Variants in NAALADL2 observed in about 807,000 individuals in gnomAD.
NAALADL2 encodes the protein inactive N-acetylated-alpha-linked acidic dipeptidase-like protein 2.
In NAALADL2, 76 loss-of-function variants were observed where a neutral mutation model predicts 87.2. The ratio of observed to expected loss-of-function variants is 0.87; its 90% confidence interval spans 0.72 to 1.05. The LOEUF is 1.05. Among genes scored for constraint, NAALADL2 ranks in the 50% least tolerant of loss-of-function variants. The pLI is 0.00. For missense variants in NAALADL2, 1,089 were observed against 945.8 expected (o/e 1.15, Z -1.99); for synonymous variants, 354 against 331.0 (o/e 1.07, Z -0.75).
chr3:175,010,909 A>G (rs1409363396), intron 1 of NAALADL2, among the ~76,000 whole-genome samples: 3 of 152,124 alleles, frequency 2.0e-5, no homozygotes. Context: ...TATAATCTAC[A>G]TGATCAACAC....
chr3:175,806,535 A>G lies in NAALADL2; in HGVS notation c.*3332A>G, dbSNP rs1370422879. ...TTTCTAAATAAATTGAAGAGTCATA[A>G]TAACAAGAAAGACGTAAAGATTTGT... On this transcript the variant is annotated 3_prime_UTR_variant, in exon 14 of 14. Coordinates refer to ENST00000454872, the MANE Select transcript of NAALADL2 (RefSeq NM_207015.3). 6.6e-6 allele frequency: 1 copy of G among 151,892 alleles called. No individual in the cohort carries two copies. The highest frequency in any genetic ancestry group is 1.9e-4 in the East Asian group (1 of 5,180). 9.4% of individuals were successfully genotyped at this position (151,892 alleles called of 1,614,324 possible).
intron 5 of NAALADL2, among the ~76,000 whole-genome samples, chr3:175,382,146 A>T (rs1394819451): frequency 6.6e-6 from 1 of 152,198 alleles, no homozygotes; most frequent in Non-Finnish European, 1.5e-5. Flanking sequence ...GGATAAAAGC[A>T]TACTGTTTGG....
At chr3:175,206,962 G>A (rs1741029625) in intron 2 of NAALADL2, among the ~76,000 whole-genome samples, 1 of 152,110 alleles carries the variant, frequency 6.6e-6, no homozygotes, top group Non-Finnish European at 1.5e-5. Flanking sequence ...AGCAGTGCAT[G>A]CGAATATGTC....
intron 3 of NAALADL2, among the ~76,000 whole-genome samples, chr3:174,772,144 T>G (rs1333627321): frequency 6.6e-6 from 1 of 152,114 alleles, no homozygotes; most frequent in Non-Finnish European, 1.5e-5. Flanking sequence ...AATAAATCAG[T>G]GGGTTAATTC....
At chr3:175,793,109 A>G (rs755525025) in intron 13 of NAALADL2, among the ~76,000 whole-genome samples, 1 of 152,162 alleles carries the variant, frequency 6.6e-6, no homozygotes, top group African/African-American at 2.4e-5. Flanking sequence ...AATCAACATT[A>G]TGACAATTGA....
intron 9 of NAALADL2, among the ~76,000 whole-genome samples, chr3:175,529,570 A>G (rs1582268635): frequency 6.6e-6 from 1 of 152,156 alleles, no homozygotes; most frequent in Non-Finnish European, 1.5e-5. Flanking sequence ...GCCCTAGCCT[A>G]CAAAGTATAG....
At chr3:174,539,170 G>C (rs1437914872) in intron 1 of NAALADL2, among the ~76,000 whole-genome samples, 1 of 152,008 alleles carries the variant, frequency 6.6e-6, no homozygotes, top group Non-Finnish European at 1.5e-5. Flanking sequence ...ACTAAGTAAA[G>C]ACAATAATTT....
intron 3 of NAALADL2, among the ~76,000 whole-genome samples, chr3:174,778,128 T>G (rs1469633220): frequency 6.6e-6 from 1 of 152,064 alleles, no homozygotes; most frequent in Non-Finnish European, 1.5e-5. Context: ...ATTCTAGACT[T>G]TCCATGATCT....
At chr3:174,457,678 A>C (rs1172338861) in intron 1 of NAALADL2, among the ~76,000 whole-genome samples, 1 of 152,050 alleles carries the variant, frequency 6.6e-6, no homozygotes, top group Non-Finnish European at 1.5e-5. Flanking sequence ...CAAAAAATTT[A>C]CTGGGTGTGG....
intron 2 of NAALADL2, among the ~76,000 whole-genome samples, chr3:175,198,064 T>C (rs953952602): frequency 3.3e-5 from 5 of 152,136 alleles, no homozygotes; most frequent in African/African-American, 1.2e-4. Flanking sequence ...GTAAAATTAC[T>C]CTAAAAGTTT....
intron 5 of NAALADL2, among the ~76,000 whole-genome samples, chr3:175,440,574 T>C (rs1719559599): frequency 6.6e-6 from 1 of 152,190 alleles, no homozygotes; most frequent in Non-Finnish European, 1.5e-5. Flanking sequence ...TAGTGTTTTG[T>C]AGATTTTCTT....
intron 2 of NAALADL2, among the ~76,000 whole-genome samples, chr3:175,167,785 G>T (rs1208311784): frequency 2.6e-5 from 4 of 151,902 alleles, no homozygotes; most frequent in Non-Finnish European, 5.9e-5. Flanking sequence ...CATTTTCTCA[G>T]GCCAGACTTT....
At chr3:175,073,117 A>G (rs1715964282) in intron 1 of NAALADL2, among the ~76,000 whole-genome samples, 1 of 152,072 alleles carries the variant, frequency 6.6e-6, no homozygotes, top group Non-Finnish European at 1.5e-5. Context: ...GTTTTAAAAT[A>G]TCATTAAATA....
intron 1 of NAALADL2, among the ~76,000 whole-genome samples, chr3:174,859,695 G>A (rs913944882): frequency 4.6e-5 from 7 of 152,056 alleles, no homozygotes; most frequent in African/African-American, 1.7e-4. Context: ...ACAAATTTGG[G>A]GGACCCGTGG....
chr3:174,647,020 G>T (rs1283307379), intron 2 of NAALADL2, among the ~76,000 whole-genome samples: 1 of 151,866 alleles, frequency 6.6e-6, no homozygotes, highest in Admixed American at 6.6e-5. Context: ...TAGTCTAAGG[G>T]TTTTCAATTT....
intron 9 of NAALADL2, among the ~76,000 whole-genome samples, chr3:175,519,599 TG>T (rs1245500720): frequency 6.6e-6 from 1 of 152,068 alleles, no homozygotes; most frequent in Non-Finnish European, 1.5e-5. Flanking sequence ...ATTATGGAGG[TG>T]TCCATTAAGA....
chr3:174,652,202 G>T (rs959837154), intron 2 of NAALADL2, among the ~76,000 whole-genome samples: 12 of 152,178 alleles, frequency 7.9e-5, no homozygotes, highest in African/African-American at 2.9e-4. Flanking sequence ...TCTGAATAAA[G>T]TGATAGATTT....
intron 4 of NAALADL2, among the ~76,000 whole-genome samples, chr3:175,314,681 T>C (rs1231325592): frequency 8.9e-4 from 15 of 16,854 alleles, no homozygotes; most frequent in African/African-American, 7.2e-3. Context: ...TATATATATA[T>C]ATATATATAT....
intron 1 of NAALADL2, among the ~76,000 whole-genome samples, chr3:175,003,216 C>A (rs58423093): frequency 1.3e-5 from 2 of 152,106 alleles, no homozygotes; most frequent in East Asian, 3.9e-4. Flanking sequence ...GGTATACTTA[C>A]AGCAGTAAGA....
Sources: allele counts gnomAD v4.1 joint callset (sites outside exome capture counted in the v4.1 genomes callset), GRCh38; gene constraint gnomAD v4.1.1; transcripts MANE v1.5; gene names NCBI Gene and HGNC (gene_info 2026-07-23, HGNC 2026-07-21).